The following ZFYVE28 variants were observed in gnomAD, a reference collection of about 807,000 sequenced individuals.
The protein encoded by ZFYVE28 is lateral signaling target protein 2 homolog.
In ZFYVE28, 40 loss-of-function variants were observed where a neutral mutation model predicts 82.1. The observed-to-expected ratio is 0.49, with a 90% CI of 0.38 to 0.63. ZFYVE28 has a LOEUF of 0.63. ZFYVE28 is among the 30% of genes least tolerant of loss of function. The probability of loss-of-function intolerance (pLI) is 0.00; values close to 1 mark genes in which losing one functional copy is unlikely to be tolerated. For synonymous variants in ZFYVE28, 612 were observed against 546.1 expected (o/e 1.12, Z -1.68); for missense variants, 1,321 against 1,242.1 (o/e 1.06, Z -0.96).
intron 8 of ZFYVE28, among the ~76,000 whole-genome samples, chr4:2,301,383 A>T (rs10454801): frequency 0.24 from 36,354 of 152,010 alleles, 5,626 homozygotes; most frequent in African/African-American, 0.44. Flanking sequence ...CACTGACCTA[A>T]ATTGAACCGA....
At chr4:2,306,598 T>A (rs1716610992) in intron 7 of ZFYVE28, among the ~76,000 whole-genome samples, 1 of 152,228 alleles carries the variant, frequency 6.6e-6, no homozygotes, top group Non-Finnish European at 1.5e-5. Flanking sequence ...GGACACCCAG[T>A]TAAATTTCAA....
At chr4:2,397,136 G>A (rs987109618) in intron 1 of ZFYVE28, among the ~76,000 whole-genome samples, 2 of 152,106 alleles carry the variant, frequency 1.3e-5, no homozygotes, top group Admixed American at 6.5e-5. Context: ...ACACAAAATC[G>A]ACCTTTTAAC....
chr4:2,396,003 T>C (rs1730406056), intron 1 of ZFYVE28, among the ~76,000 whole-genome samples: 1 of 152,188 alleles, frequency 6.6e-6, no homozygotes, highest in South Asian at 2.1e-4. Context: ...TGAGACCCAC[T>C]GGGTGAGTCT....
chr4:2,304,577 C>G lies in ZFYVE28; in HGVS notation c.1763G>C (p.Gly588Ala). The change falls in exon 8 of 13, where the codon GGA (glycine) becomes GCA (alanine). Residue 588 changes from glycine to alanine, a missense_variant. Gly to Ala is a moderately conservative substitution (Grantham distance 60). This residue lies in a region of ZFYVE28 where 978 missense variants were observed against 833.7 expected (regional missense o/e 1.17). Transcript: ENST00000290974. The part of the protein sequence containing the change: ...VERLREKCSP[G>A]GVIGASYAAG... ...AGCGTACGAGGCACCAATGACGCCT[C>G]CCGGGCTGCACTTCTCCCGCAGACG... The G allele has an allele frequency of 1.2e-6, 2 of 1,612,558 alleles. No homozygotes were observed. The highest frequency in any genetic ancestry group is 1.7e-6 in the Non-Finnish European group (2 of 1,179,830).
chr4:2,381,266 G>A (rs1462832348), intron 1 of ZFYVE28, among the ~76,000 whole-genome samples: 1 of 152,204 alleles, frequency 6.6e-6, no homozygotes, highest in African/African-American at 2.4e-5. Flanking sequence ...GAACTTGAGA[G>A]GGATGATTTA....
rs1471883297 is a variant in ZFYVE28, at chr4:2,341,141, GC to G, written c.318+336del. ...CCCCTGCTGCTGCCCATGCTGCAGG[GC>G]CGGAGGGGAACACTTGTTCCTGATG... On this transcript the variant is annotated intron_variant, in intron 3 of 12. Coordinates refer to ENST00000290974, the MANE Select transcript of ZFYVE28 (RefSeq NM_020972.3). The surrounding 1 kb of genome is among the most constrained non-coding windows in gnomAD (Gnocchi z 4.5). 6.6e-6 allele frequency among the ~76,000 whole-genome samples: 1 copy of G among 152,202 alleles called. No individual in the cohort carries two copies. The highest frequency in any genetic ancestry group is 2.4e-5 in the African/African-American group (1 of 41,440).
chr4:2,363,853 A>G (rs1367037999), intron 1 of ZFYVE28, among the ~76,000 whole-genome samples: 1 of 152,124 alleles, frequency 6.6e-6, no homozygotes, highest in Non-Finnish European at 1.5e-5. Flanking sequence ...CTGTTCCCCA[A>G]TTTACAGAGG....
rs559664673 is a variant in ZFYVE28, at chr4:2,283,628, C to T, written c.2052-9412G>A. On this transcript the variant is annotated intron_variant, in intron 8 of 12. Transcript: ENST00000290974. ...CATCCACCTGCCCTACAAACATGCA[C>T]TAAGCACCAACTATGATCCAGGAAT... Among the ~76,000 whole-genome samples the T allele has an allele frequency of 2.0e-5, 3 of 151,624 alleles. No homozygotes were observed. In the South Asian group the frequency reaches 6.2e-4, roughly 31 times the overall value.
At chr4:2,402,623 G>A (rs1019610834) in intron 1 of ZFYVE28, among the ~76,000 whole-genome samples, 1 of 152,204 alleles carries the variant, frequency 6.6e-6, no homozygotes, top group Admixed American at 6.5e-5. Context: ...CAGAGAGCGG[G>A]CAGGGAACGC....
chr4:2,332,107 G>C lies in ZFYVE28; in HGVS notation c.701+3598C>G, dbSNP rs1720801170. 6.6e-6 allele frequency among the ~76,000 whole-genome samples: 1 copy of C among 152,112 alleles called. No homozygotes were observed. Among genetic ancestry groups the C allele is most frequent in the Non-Finnish European group, 1.5e-5 (1 of 67,986 alleles). The stretch of plus-strand genomic sequence containing the variant: ...GACACTGTGTGCTGGAGAAGGGACT[G>C]GGGCTCTCGGGCAGCAGCACAGTCA... On this transcript the variant is annotated intron_variant, in intron 6 of 12. Coordinates refer to ENST00000290974, the MANE Select transcript of ZFYVE28 (RefSeq NM_020972.3). The surrounding 1 kb of genome is among the most constrained non-coding windows in gnomAD (Gnocchi z 4.7).
At chr4:2,376,865 G>A (rs1393416571) in intron 1 of ZFYVE28, among the ~76,000 whole-genome samples, 1 of 152,068 alleles carries the variant, frequency 6.6e-6, no homozygotes, top group African/African-American at 2.4e-5. Flanking sequence ...GGTTTAGGCT[G>A]CAGTGAGCCA....
chr4:2,396,374 T>A (rs7683531), intron 1 of ZFYVE28, among the ~76,000 whole-genome samples: 1 of 3,508 alleles, frequency 2.9e-4, no homozygotes, highest in South Asian at 9.8e-3. Flanking sequence ...AGAGGGGCCA[T>A]AAGGCGGGGT....
chr4:2,319,797 G>A (rs1718779389), intron 7 of ZFYVE28, among the ~76,000 whole-genome samples: 1 of 151,062 alleles, frequency 6.6e-6, no homozygotes, highest in Middle Eastern at 3.5e-3. Context: ...AGCGCTTTGG[G>A]GACGGTGGGG....
In ZFYVE28 at chr4:2,274,295, C is replaced by A. The variant is rs1418532204; in HGVS notation, c.2052-79G>T. The A allele has an allele frequency of 5.9e-6, 9 of 1,524,126 alleles. No individual in the cohort carries two copies. In the East Asian group the frequency reaches 1.9e-4, roughly 31 times the overall value. The allele number at this position is 1,524,126 out of a possible 1,614,324, so 94.4% of individuals were successfully genotyped here. A position where few individuals can be genotyped will look rare whatever the true frequency, so the allele number is the denominator to read the frequency against. ...GGAGCCCGAAGGTCACTGGTCAAGA[C>A]AAAAGTCTGTGTCCTCGCAGACGCT... On this transcript the variant is annotated intron_variant, in intron 8 of 12. Transcript: ENST00000290974.
chr4:2,389,511 C>T (rs1231546504), intron 1 of ZFYVE28, among the ~76,000 whole-genome samples: 2 of 152,214 alleles, frequency 1.3e-5, no homozygotes. Flanking sequence ...TGTAGAGTGC[C>T]TCCTGCTACA....
chr4:2,279,584 C>G (rs983298525), intron 8 of ZFYVE28, among the ~76,000 whole-genome samples: 3 of 152,122 alleles, frequency 2.0e-5, no homozygotes, highest in Non-Finnish European at 4.4e-5. Flanking sequence ...TCGAGACCAT[C>G]CTGGCTAACA....
chr4:2,332,986 ATGCCC>A lies in ZFYVE28; in HGVS notation c.701+2714_701+2718del, dbSNP rs1720957855. ...CCCTGGACTCTGGCTTTGGGCTCTT[ATGCCC>A]TCTCGCCCTTCCTCCCTCCTTCAAT... On this transcript the variant is annotated intron_variant, in intron 6 of 12. Coordinates refer to ENST00000290974, the MANE Select transcript of ZFYVE28 (RefSeq NM_020972.3). This position sits in a 1 kb window ranked among gnomAD's most constrained non-coding sequence, Gnocchi z 4.7. Among the ~76,000 whole-genome samples, 1 of 151,692 alleles carries A rather than the reference ATGCCC, an allele frequency of 6.6e-6. No individual in the cohort carries two copies. Among genetic ancestry groups the A allele is most frequent in the African/African-American group, 2.4e-5 (1 of 41,264 alleles).
At position 2,341,614 on chromosome 4, in the gene ZFYVE28, T is replaced by C; in HGVS notation, c.182A>G (p.Asp61Gly). The C allele has an allele frequency of 1.2e-6, 2 of 1,605,374 alleles. No homozygotes were observed. The highest frequency in any genetic ancestry group is 1.7e-6 in the Non-Finnish European group (2 of 1,172,820). ...LLVSQFRSCQ[D>G]NVLNIINQIM... ...CTGGTTAATGATGTTCAACACATTG[T>C]CCTGAAACAGAAGACAGGAGAAAGT... Residue 61 changes from aspartate (D) to glycine (G), a missense_variant and splice_region_variant, in exon 3 of 13, where the codon GAC becomes GGC. By Grantham distance (94) the Asp-to-Gly change is moderately conservative. Around this residue, in one of 2 missense-constraint regions of ZFYVE28, gnomAD observed 343 missense variants for 408.4 expected, o/e 0.84. Transcript: ENST00000290974. This position sits in a 1 kb window ranked among gnomAD's most constrained non-coding sequence, Gnocchi z 4.5.
chr4:2,339,672 A>G lies in ZFYVE28; in HGVS notation c.319-17T>C, dbSNP rs1421755385. On this transcript the variant is annotated splice_polypyrimidine_tract_variant and intron_variant, in intron 3 of 12. Transcript: ENST00000290974. The surrounding 1 kb of genome is among the most constrained non-coding windows in gnomAD (Gnocchi z 5.0). ...GGCCAGGCACTGCGGGAGGGGACAC[A>G]CTCAGGGAGGGGCCCGGGTGAGGGC... 6.3e-7 allele frequency: 1 copy of G among 1,576,730 alleles called. No homozygotes were observed. Among genetic ancestry groups the G allele is most frequent in the South Asian group, 1.2e-5 (1 of 86,906 alleles).
Sources: allele counts gnomAD v4.1 joint callset (sites outside exome capture counted in the v4.1 genomes callset), GRCh38; gene constraint gnomAD v4.1.1; regional missense constraint gnomAD v4.1.1; non-coding constraint Gnocchi (gnomAD v3.1); transcripts MANE v1.5; gene names NCBI Gene and HGNC (gene_info 2026-07-23, HGNC 2026-07-21).